The following DENND2A variants were observed in gnomAD, a reference collection of about 807,000 sequenced individuals.
DENND2A encodes DENN domain containing 2A, also known as DENN domain-containing protein 2A.
A neutral mutation model predicts 105.3 loss-of-function variants in DENND2A; 53 were observed. The ratio of observed to expected loss-of-function variants is 0.50; its 90% CI spans 0.40 to 0.63. The LOEUF (loss-of-function observed/expected upper bound fraction) is 0.63, where lower values mean the gene tolerates loss of function less well. Among genes scored for constraint, DENND2A ranks in the 30% least tolerant of loss-of-function variants. The pLI is 0.00. For synonymous variants in DENND2A, 522 were observed against 508.4 expected, an observed-to-expected ratio of 1.03 and a Z score of -0.36; for missense variants, 1,138 against 1,279.6, an observed-to-expected ratio of 0.89 and a Z score of 1.69.
Position 140,602,229 on chromosome 7 carries a change from T to TCTTCC in DENND2A, c.164_168dup (p.Lys57GlyfsTer34). The TCTTCC allele has an allele frequency of 1.2e-6, 2 of 1,614,090 alleles. No homozygotes were observed. The highest frequency in any genetic ancestry group is 1.7e-6 in the Non-Finnish European group (2 of 1,180,018). Reference sequence around the variant, plus strand: ...CTGGGTGCAGGAGTGGGCACCTCTTTCTTCCCTTCCCATTCTGATATCTTG... The same window carrying TCTTCC: ...CTGGGTGCAGGAGTGGGCACCTCTTTCTTCCCTTCCCTTCCCATTCTGATATCTTG... On this transcript the variant is annotated frameshift_variant, in exon 3 of 20. Transcript: ENST00000496613. LOFTEE classifies it high-confidence loss of function.
At chr7:140,581,030 A>C (rs1798519742) in intron 5 of DENND2A, among the ~76,000 whole-genome samples, 1 of 151,396 alleles carries the variant, frequency 6.6e-6, no homozygotes, top group African/African-American at 2.4e-5. Flanking sequence ...TGGGAGGCTG[A>C]GGTGGGTGGA....
In DENND2A at chr7:140,595,803, G is replaced by A. The variant is rs368744358; in HGVS notation, c.995+5600C>T. Among the ~76,000 whole-genome samples the A allele has an allele frequency of 8.5e-4, 129 of 150,954 alleles. 4 individuals carry two copies. In the South Asian group the frequency reaches 0.024, roughly 28 times the overall value. On this transcript the variant is annotated intron_variant, in intron 3 of 19. Coordinates refer to ENST00000496613, the MANE Select transcript of DENND2A (RefSeq NM_015689.5). ...AAGCTTGGCTAGCCTGGCACCTAGCGACCATTTAAAACATCATCCAGCTGG... is the reference window on the plus strand; with the variant it reads ...AAGCTTGGCTAGCCTGGCACCTAGCAACCATTTAAAACATCATCCAGCTGG...
At chr7:140,617,628 C>T (rs1800133317) in intron 1 of DENND2A, among the ~76,000 whole-genome samples, 1 of 152,200 alleles carries the variant, frequency 6.6e-6, no homozygotes, top group Non-Finnish European at 1.5e-5. Context: ...GGAGGAGAAT[C>T]GCTTGAACCT....
Position 140,601,963 on chromosome 7 carries a change from TG to T in DENND2A, c.434del (p.Pro145GlnfsTer16). On this transcript the variant is annotated frameshift_variant, in exon 3 of 20. Coordinates refer to ENST00000496613, the MANE Select transcript of DENND2A (RefSeq NM_015689.5). LOFTEE classifies it high-confidence loss of function. Reference protein sequence around the residue: ...VDPSWGRGREPRLGKLRFQND... With the variant: ...VDPSWGRGREXRLGKLRFQND... ...TCTGAAAGCGTAGCTTGCCAAGTCT[TG>T]GCTCTCGGCCTCGGCCCCAGCTAGG... 2 of 1,614,200 alleles carry T rather than the reference TG, an allele frequency of 1.2e-6. No homozygotes were observed. Among genetic ancestry groups the T allele is most frequent in the Non-Finnish European group, 1.7e-6 (2 of 1,180,032 alleles).
intron 16 of DENND2A, 52 bp downstream of exon 16, chr7:140,525,699 A>T: frequency 6.5e-7 from 1 of 1,528,810 alleles, no homozygotes; most frequent in Non-Finnish European, 8.8e-7. Flanking sequence ...AGCCCCAAAC[A>T]ACAAATAGGT....
intron 12 of DENND2A, among the ~76,000 whole-genome samples, chr7:140,552,075 C>T (rs893207949): frequency 6.6e-6 from 1 of 152,224 alleles, no homozygotes; most frequent in Non-Finnish European, 1.5e-5. Context: ...AGCTGTTTTA[C>T]TTCTGGTGTT....
At chr7:140,550,043 G>A (rs376216655) in intron 12 of DENND2A, among the ~76,000 whole-genome samples, 6 of 143,180 alleles carry the variant, frequency 4.2e-5, no homozygotes, top group African/African-American at 1.3e-4. Flanking sequence ...ACTGTTGATC[G>A]TTCTACCTCT....
In DENND2A at chr7:140,559,984, C is replaced by A. The variant is rs764636820; in HGVS notation, c.1780-167G>T. Among the ~76,000 whole-genome samples the A allele has an allele frequency of 6.6e-6, 1 of 152,174 alleles. No individual in the cohort carries two copies. The highest frequency in any genetic ancestry group is 6.5e-5 in the Admixed American group (1 of 15,278). On this transcript the variant is annotated intron_variant, in intron 9 of 19. Coordinates refer to ENST00000496613, the MANE Select transcript of DENND2A (RefSeq NM_015689.5). This position sits in a 1 kb window ranked among gnomAD's most constrained non-coding sequence, Gnocchi z 4.1. ...CTCAGTCGGCTGGGGCATTTTCCCC[C>A]CAGTGCACTTCCAACTATAGACCTC... is the stretch of plus-strand genomic sequence containing the variant.
intron 18 of DENND2A, among the ~76,000 whole-genome samples, chr7:140,521,019 C>T (rs1164351846): frequency 2.6e-5 from 4 of 151,562 alleles, no homozygotes; most frequent in African/African-American, 4.9e-5. Flanking sequence ...GGATTACAGG[C>T]GCACACCACC....
intron 5 of DENND2A, among the ~76,000 whole-genome samples, chr7:140,577,523 G>A (rs1017606310): frequency 3.1e-4 from 47 of 151,606 alleles, no homozygotes; most frequent in Non-Finnish European, 2.2e-4. Context: ...TCAGCCTCCC[G>A]AGTAGCTGGG....
intron 4 of DENND2A, 84 bp downstream of exon 4, chr7:140,587,567 CGT>C: frequency 6.4e-7 from 1 of 1,567,114 alleles, no homozygotes. Context: ...TGTGTGTGCA[CGT>C]GTGTTTCCAG....
chr7:140,525,206 G>A (rs1220434126), intron 16 of DENND2A, among the ~76,000 whole-genome samples: 1 of 149,156 alleles, frequency 6.7e-6, no homozygotes, highest in Admixed American at 6.7e-5. Flanking sequence ...CCAGGCTGGA[G>A]TGCAGTGGCG....
At chr7:140,623,606 T>C (rs934339836) in intron 1 of DENND2A, among the ~76,000 whole-genome samples, 2 of 150,086 alleles carry the variant, frequency 1.3e-5, no homozygotes, top group Admixed American at 1.3e-4. Flanking sequence ...CGGGCGCCTG[T>C]AATCCCAGCT....
intron 1 of DENND2A, among the ~76,000 whole-genome samples, chr7:140,610,341 C>T (rs1799849416): frequency 6.6e-6 from 1 of 150,448 alleles, no homozygotes; most frequent in African/African-American, 2.4e-5. Context: ...AATTTTTAAT[C>T]CTGTTGGGTA....
chr7:140,637,208 A>G (rs1264866060), intron 1 of DENND2A, among the ~76,000 whole-genome samples: 3 of 150,278 alleles, frequency 2.0e-5, no homozygotes, highest in East Asian at 3.9e-4. Context: ...CTAGTCTCAA[A>G]CTCTCCTCCC....
intron 14 of DENND2A, among the ~76,000 whole-genome samples, chr7:140,539,069 C>T (rs539140754): frequency 8.8e-4 from 134 of 152,314 alleles, no homozygotes; most frequent in Non-Finnish European, 1.7e-3. Flanking sequence ...AGCAATCCAC[C>T]GGCCTCAGCC....
intron 3 of DENND2A, among the ~76,000 whole-genome samples, chr7:140,597,848 G>C (rs548888066): frequency 2.6e-5 from 4 of 152,122 alleles, no homozygotes; most frequent in African/African-American, 9.7e-5. Context: ...GGGAGTGCTC[G>C]GGGACCCGGG....
intron 12 of DENND2A, among the ~76,000 whole-genome samples, chr7:140,548,236 TTAAA>T (rs1487687169): frequency 6.6e-6 from 1 of 151,712 alleles, no homozygotes; most frequent in Non-Finnish European, 1.5e-5. Flanking sequence ...ATTGTGTACT[TTAAA>T]TGAATGAATT....
intron 5 of DENND2A, among the ~76,000 whole-genome samples, chr7:140,581,582 C>T (rs1340856510): frequency 1.3e-5 from 2 of 152,146 alleles, no homozygotes; most frequent in Non-Finnish European, 2.9e-5. Flanking sequence ...GTAGATACTC[C>T]ATGAATATTT....
Sources: gnomAD v4.1 joint callset for allele counts (sites outside exome capture counted in the v4.1 genomes callset) on GRCh38, gnomAD v4.1.1 for gene constraint, Gnocchi (gnomAD v3.1) non-coding constraint, MANE v1.5 for transcripts, NCBI Gene and HGNC (gene_info 2026-07-23, HGNC 2026-07-21) for gene names.